Variants in SGMS1 observed in about 807,000 individuals in gnomAD.
The protein encoded by SGMS1 is phosphatidylcholine:ceramide cholinephosphotransferase 1.
In SGMS1, 13 loss-of-function variants were observed where a neutral mutation model predicts 46.2. That is an observed-to-expected ratio of 0.28 (90% CI 0.18 to 0.45). The LOEUF is 0.45. Ranked by LOEUF, SGMS1 falls within the 20% of genes least tolerant of loss-of-function variation. The pLI, the probability that SGMS1 is intolerant of heterozygous loss-of-function variation, is 1.00. For synonymous variants in SGMS1, 203 were observed against 187.8 expected (o/e 1.08, Z -0.66); for missense variants, 324 against 519.9 (o/e 0.62, Z 3.66).
intron 1 of SGMS1, among the ~76,000 whole-genome samples, chr10:50,602,979 C>A (rs1462944375): frequency 6.6e-6 from 1 of 152,184 alleles, no homozygotes; most frequent in African/African-American, 2.4e-5. Context: ...CGAGTTTAGA[C>A]AATGGAATTC....
chr10:50,323,549 A>G (rs1847482215), intron 8 of SGMS1, among the ~76,000 whole-genome samples: 1 of 152,210 alleles, frequency 6.6e-6, no homozygotes, highest in South Asian at 2.1e-4. Context: ...CACCATCCAG[A>G]ATATGATGAT....
At chr10:50,349,950 C>T (rs368725151) in intron 6 of SGMS1, among the ~76,000 whole-genome samples, 28 of 152,228 alleles carry the variant, frequency 1.8e-4, no homozygotes, top group East Asian at 7.7e-4. Context: ...AATGTGGAAG[C>T]GACTTTGGAA....
intron 1 of SGMS1, among the ~76,000 whole-genome samples, chr10:50,599,635 T>G (rs1437877243): frequency 1.3e-5 from 2 of 152,102 alleles, no homozygotes; most frequent in African/African-American, 2.4e-5. Context: ...GAAGCCGAGG[T>G]GGGCAGATCA....
At chr10:50,433,760 C>T (rs1346335749) in intron 5 of SGMS1, among the ~76,000 whole-genome samples, 1 of 152,090 alleles carries the variant, frequency 6.6e-6, no homozygotes, top group Non-Finnish European at 1.5e-5. Flanking sequence ...GCAGTATTTC[C>T]ACTATGAAGG....
chr10:50,395,438 G>C (rs952061932), intron 6 of SGMS1, among the ~76,000 whole-genome samples: 2 of 152,160 alleles, frequency 1.3e-5, no homozygotes, highest in African/African-American at 4.8e-5. Context: ...GCTGTCATTA[G>C]TATTAGCCAA....
intron 2 of SGMS1, among the ~76,000 whole-genome samples, chr10:50,523,832 A>C (rs1170004350): frequency 6.6e-6 from 1 of 152,250 alleles, no homozygotes; most frequent in East Asian, 1.9e-4. Flanking sequence ...TGATTTTGTA[A>C]TCACAGGAAA....
intron 6 of SGMS1, among the ~76,000 whole-genome samples, chr10:50,422,298 A>G (rs1245950732): frequency 6.6e-6 from 1 of 152,164 alleles, no homozygotes; most frequent in Non-Finnish European, 1.5e-5. Context: ...CTTAAGTTAT[A>G]TAACAGCCAC....
intron 2 of SGMS1, among the ~76,000 whole-genome samples, chr10:50,573,278 ACTAT>A (rs1170407226): frequency 6.6e-6 from 1 of 152,150 alleles, no homozygotes; most frequent in Non-Finnish European, 1.5e-5. Context: ...CCAATGTAAA[ACTAT>A]CTGTTTGCAT....
chr10:50,578,919 A>T (rs560524736), intron 2 of SGMS1, among the ~76,000 whole-genome samples: 1 of 152,346 alleles, frequency 6.6e-6, no homozygotes, highest in South Asian at 2.1e-4. Context: ...CAATAAGCCA[A>T]ATCTTCCAGT....
intron 6 of SGMS1, among the ~76,000 whole-genome samples, chr10:50,346,732 A>C (rs940170632): frequency 2.4e-4 from 36 of 151,730 alleles, no homozygotes; most frequent in African/African-American, 8.2e-4. Context: ...ACAGGGTCTT[A>C]CTCTATTGCC....
chr10:50,583,007 C>T (rs1442545029), intron 2 of SGMS1, among the ~76,000 whole-genome samples: 2 of 152,132 alleles, frequency 1.3e-5, no homozygotes, highest in African/African-American at 2.4e-5. Flanking sequence ...CAGTAATAAC[C>T]AGGGATAGAG....
intron 2 of SGMS1, among the ~76,000 whole-genome samples, chr10:50,527,063 C>CAAAAAAAAAAAAAAAA (rs573386594): frequency 1.1e-5 from 1 of 90,804 alleles, no homozygotes; most frequent in African/African-American, 5.5e-5. Context: ...GACTCTGTCT[C>CAAAAAAAAAAAAAAAA]AAAAAAAAAA....
At chr10:50,516,955 A>T (rs1448731554) in intron 3 of SGMS1, among the ~76,000 whole-genome samples, 1 of 152,184 alleles carries the variant, frequency 6.6e-6, no homozygotes, top group Non-Finnish European at 1.5e-5. Flanking sequence ...AGAAAGTTGG[A>T]GTTGCCCTGG....
At chr10:50,611,689 C>A (rs1317918783) in intron 1 of SGMS1, among the ~76,000 whole-genome samples, 1 of 152,170 alleles carries the variant, frequency 6.6e-6, no homozygotes, top group African/African-American at 2.4e-5. Context: ...TCACAATCCT[C>A]TTCTGGTCCC....
intron 2 of SGMS1, among the ~76,000 whole-genome samples, chr10:50,587,631 A>ATGTGTGTGTGTGTGTGTGTGTGTGTG (rs1415958432): frequency 8.4e-6 from 1 of 118,658 alleles, no homozygotes; most frequent in Non-Finnish European, 1.8e-5. Flanking sequence ...CTCAAAATAT[A>ATGTGTGTGTGTGTGTGTGTGTGTGTG]TATGTGTGTG....
chr10:50,595,454 G>A (rs186137724), intron 1 of SGMS1, among the ~76,000 whole-genome samples: 5 of 152,262 alleles, frequency 3.3e-5, no homozygotes, highest in African/African-American at 1.2e-4. Flanking sequence ...CTGGGATACA[G>A]GCATGAGCCA....
chr10:50,585,339 G>T (rs946571613), intron 2 of SGMS1, among the ~76,000 whole-genome samples: 2 of 152,134 alleles, frequency 1.3e-5, no homozygotes, highest in African/African-American at 4.8e-5. Context: ...AAACAGTCTG[G>T]CATTACCACA....
chr10:50,370,742 T>TAAA (rs34960612), intron 6 of SGMS1, among the ~76,000 whole-genome samples: 3 of 134,838 alleles, frequency 2.2e-5, no homozygotes, highest in Admixed American at 7.3e-5. Context: ...TCCATCTCAA[T>TAAA]AAAAAAAAAA....
chr10:50,458,339 C>CTCTTTTT (rs1486288081), intron 5 of SGMS1, among the ~76,000 whole-genome samples: 10 of 97,146 alleles, frequency 1.0e-4, no homozygotes, highest in Non-Finnish European at 1.7e-4. Flanking sequence ...TTCTTTTTCT[C>CTCTTTTT]TTTTTTTTTT....
Sources: gnomAD v4.1 joint callset for allele counts (sites outside exome capture counted in the v4.1 genomes callset) on GRCh38, gnomAD v4.1.1 for gene constraint, MANE v1.5 for transcripts, NCBI Gene and HGNC (gene_info 2026-07-23, HGNC 2026-07-21) for gene names.